The following SOAT2 variants were observed in gnomAD, a reference collection of about 807,000 sequenced individuals.
SOAT2 encodes the protein sterol O-acyltransferase 2.
SOAT2 carries 87 observed loss-of-function variants against 76.0 expected under a neutral mutation model. The ratio of observed to expected loss-of-function variants is 1.14; its 90% CI spans 0.96 to 1.37. The LOEUF is 1.37. Among genes scored for constraint, SOAT2 ranks in the 40% most tolerant of loss-of-function variants. The probability of loss-of-function intolerance (pLI) is 0.00; values close to 1 mark genes in which losing one functional copy is unlikely to be tolerated. For missense variants in SOAT2, 686 were observed against 682.1 expected, an observed-to-expected ratio of 1.01 and a Z score of -0.06; for synonymous variants, 285 against 275.4, an observed-to-expected ratio of 1.03 and a Z score of -0.34.
At position 53,124,269 on chromosome 12, in the gene SOAT2, G is replaced by A. The variant is rs1297327984; in HGVS notation, c.*146G>A. 9 of 751,500 alleles carry A rather than the reference G, an allele frequency of 1.2e-5. No homozygotes were observed. Among genetic ancestry groups the A allele is most frequent in the Non-Finnish European group, 2.1e-5 (9 of 435,708 alleles). The allele number at this position is 751,500 out of a possible 1,614,324, so 46.6% of individuals were successfully genotyped here. ...AAGACCCCACCAAGGAATGTGCAAG[G>A]ACTGAGATCTGCAGACTTGTGGGTA... is the stretch of plus-strand genomic sequence containing the variant. On this transcript the variant is annotated 3_prime_UTR_variant, in exon 15 of 15. Transcript: ENST00000301466.
intron 5 of SOAT2, among the ~76,000 whole-genome samples, chr12:53,106,912 A>G (rs1937944349): frequency 6.6e-6 from 1 of 152,176 alleles, no homozygotes; most frequent in African/African-American, 2.4e-5. Context: ...ATCTCCTGCT[A>G]AATAACGGAG....
chr12:53,105,290 T>C (rs768952035), intron 3 of SOAT2, 47 bp downstream of exon 3: 2 of 1,576,718 alleles, frequency 1.3e-6, no homozygotes, highest in African/African-American at 2.7e-5. Flanking sequence ...GCAAGGATCA[T>C]GAGCTAGAAA....
chr12:53,109,431 T>C (rs1937981397), intron 5 of SOAT2, among the ~76,000 whole-genome samples: 1 of 152,156 alleles, frequency 6.6e-6, no homozygotes, highest in African/African-American at 2.4e-5. Context: ...TAAGCCAAAT[T>C]TCACCTTTAT....
At position 53,123,644 on chromosome 12, in the gene SOAT2, C is replaced by G. The variant is rs1246620795; in HGVS notation, c.1373-84C>G. The G allele has an allele frequency of 2.6e-6, 4 of 1,537,974 alleles. No homozygotes were observed. In the African/African-American group the frequency reaches 4.1e-5, roughly 16 times the overall value. The stretch of plus-strand genomic sequence containing the variant: ...CCAATGGGGCCTTCTTGTTCCATCT[C>G]TTCCCAATACCCTGGAATGGGAGGG... On this transcript the variant is annotated intron_variant, in intron 13 of 14. Coordinates refer to ENST00000301466, the MANE Select transcript of SOAT2 (RefSeq NM_003578.4).
chr12:53,114,394 C>T (rs1417410628), intron 5 of SOAT2, among the ~76,000 whole-genome samples: 4 of 152,092 alleles, frequency 2.6e-5, no homozygotes, highest in African/African-American at 7.2e-5. Flanking sequence ...TCTTGACCGC[C>T]TCCTTCAATC....
At position 53,118,318 on chromosome 12, in the gene SOAT2, C is replaced by A. The variant is rs1246562581; in HGVS notation, c.779-32C>A. On this transcript the variant is annotated intron_variant, in intron 7 of 14. Coordinates refer to ENST00000301466, the MANE Select transcript of SOAT2 (RefSeq NM_003578.4). ...CTCACCTCTGCCCTCTGCCCTTGCCCTTACTAATCCACCCCTCTCATTCCT... is the reference window on the plus strand; with the variant it reads ...CTCACCTCTGCCCTCTGCCCTTGCCATTACTAATCCACCCCTCTCATTCCT... 3 of 1,505,890 alleles carry A rather than the reference C, an allele frequency of 2.0e-6. No homozygotes were observed. In the East Asian group the frequency reaches 6.8e-5, roughly 34 times the overall value. 93.3% of individuals were successfully genotyped at this position (1,505,890 alleles called of 1,614,324 possible).
At chr12:53,113,388 G>A (rs377605219) in intron 5 of SOAT2, among the ~76,000 whole-genome samples, 33 of 152,222 alleles carry the variant, frequency 2.2e-4, no homozygotes, top group African/African-American at 8.0e-4. Context: ...TGAAAGGGAC[G>A]TGCAGTTTTG....
In SOAT2 at chr12:53,123,170, G is replaced by A. The variant is rs2121308698; in HGVS notation, c.1326G>A (p.Leu442=). Residue 442 remains leucine (L), a synonymous_variant, in exon 13 of 15, where the codon CTG becomes CTA. Transcript: ENST00000301466. ...ATGAGTATATCTTCTGCTTCGTCCT[G>A]GGGTTCTTCTATCCCGTCATGCTGA... ...VAHEYIFCFV[L]GFFYPVMLIL... is the part of the protein sequence containing the mutation. 1.9e-6 allele frequency: 3 copies of A among 1,614,102 alleles called. No individual in the cohort carries two copies. The highest frequency in any genetic ancestry group is 4.5e-5 in the East Asian group (2 of 44,880).
chr12:53,118,493 C>A, intron 8 of SOAT2, 59 bp downstream of exon 8: 1 of 1,267,202 alleles, frequency 7.9e-7, no homozygotes, highest in Non-Finnish European at 1.2e-6. Context: ...TACCCTTCTA[C>A]TCTCCCCTCC....
At chr12:53,120,958 C>T in intron 11 of SOAT2, 75 bp downstream of exon 11, 1 of 1,124,398 alleles carries the variant, frequency 8.9e-7, no homozygotes, top group Admixed American at 1.7e-5. Context: ...AGATGGTAGC[C>T]AGGTTGGGTG....
intron 5 of SOAT2, among the ~76,000 whole-genome samples, chr12:53,107,402 A>G (rs1937952318): frequency 6.6e-6 from 1 of 152,142 alleles, no homozygotes. Flanking sequence ...CTGAAGTTTA[A>G]GTTGTCTAGT....
In SOAT2 at chr12:53,124,175, G is replaced by C. The variant is rs746883414; in HGVS notation, c.*52G>C. 65 of 1,601,852 alleles carry C rather than the reference G, an allele frequency of 4.1e-5. No homozygotes were observed. The highest frequency in any genetic ancestry group is 5.3e-5 in the Non-Finnish European group (62 of 1,169,022). ...CCAGACACCACCAAGTTCTCTGCCT[G>C]CAAAACCTGGGACCAGGACTCCTGT... is the stretch of plus-strand genomic sequence containing the variant. On this transcript the variant is annotated 3_prime_UTR_variant, in exon 15 of 15. Transcript: ENST00000301466.
At chr12:53,106,368 C>A (rs1285029797) in intron 5 of SOAT2, among the ~76,000 whole-genome samples, 1 of 152,264 alleles carries the variant, frequency 6.6e-6, no homozygotes, top group African/African-American at 2.4e-5. Flanking sequence ...TCCCGAGTAC[C>A]AGTCCTAGTG....
intron 9 of SOAT2, 76 bp from the exon 10 acceptor site, chr12:53,119,048 G>A: frequency 6.2e-7 from 1 of 1,610,882 alleles, no homozygotes; most frequent in Non-Finnish European, 8.5e-7. Context: ...GAGAAGGCCA[G>A]TGCTGGGCCA....
chr12:53,110,062 C>T (rs1463899011), intron 5 of SOAT2, among the ~76,000 whole-genome samples: 1 of 152,206 alleles, frequency 6.6e-6, no homozygotes, highest in Non-Finnish European at 1.5e-5. Flanking sequence ...CCATCTTTAT[C>T]TTACCCAACT....
At chr12:53,111,191 C>T (rs1039224791) in intron 5 of SOAT2, among the ~76,000 whole-genome samples, 5 of 151,524 alleles carry the variant, frequency 3.3e-5, no homozygotes, top group Admixed American at 1.3e-4. Flanking sequence ...CTGCAAGCTC[C>T]GCCTCCCAGG....
rs1937922505 is a variant in SOAT2 at position 53,105,597 on chromosome 12, C to A, written c.312C>A (p.Phe104Leu). Residue 104 changes from phenylalanine to leucine, a missense_variant, in exon 4 of 15, where the codon TTC (phenylalanine) becomes TTA (leucine). By Grantham distance (22) the Phe-to-Leu change is conservative. Coordinates refer to ENST00000301466, the MANE Select transcript of SOAT2 (RefSeq NM_003578.4). ...QEPSLGKQKVFIIRKSLLDEL... is the reference protein window; with the variant it reads ...QEPSLGKQKVLIIRKSLLDEL... ...CATCCCTGGGGAAACAGAAAGTTTT[C>A]ATCATCCGCAAGTCCCTGCTTGAGT... The A allele has an allele frequency of 6.2e-7, 1 of 1,611,212 alleles. No individual in the cohort carries two copies. Among genetic ancestry groups the A allele is most frequent in the Admixed American group, 1.7e-5 (1 of 59,836 alleles).
In SOAT2 at chr12:53,105,611, C is replaced by A; in HGVS notation, c.326C>A (p.Ser109Tyr). 1 of 1,610,358 alleles carries A rather than the reference C, an allele frequency of 6.2e-7. No homozygotes were observed. The highest frequency in any genetic ancestry group is 1.1e-5 in the South Asian group (1 of 90,252). Residue 109 changes from serine (S) to tyrosine (Y), a missense_variant, in exon 4 of 15, where the codon TCC (serine) becomes TAC (tyrosine). Coordinates refer to ENST00000301466, the MANE Select transcript of SOAT2 (RefSeq NM_003578.4). Reference protein sequence around the residue: ...GKQKVFIIRKSLLDELMEVQH... With the variant: ...GKQKVFIIRKYLLDELMEVQH... ...CAGAAAGTTTTCATCATCCGCAAGTCCCTGCTTGAGTAAGTCGGGGTGATG... is the reference window on the plus strand; with the variant it reads ...CAGAAAGTTTTCATCATCCGCAAGTACCTGCTTGAGTAAGTCGGGGTGATG...
Position 53,124,074 on chromosome 12 carries a change from C to A in SOAT2, c.1520C>A (p.Ala507Glu). The change falls in exon 15 of 15, where the codon GCA (alanine) becomes GAA (glutamate). Residue 507 changes from alanine to glutamate, a missense_variant and splice_region_variant. Transcript: ENST00000301466. ...ACGACTTATTCTTCTCTGGCTCAGG[C>A]AACTTTCTGGGGGCTGGTGACACCT... ...YARRHCPLPQ[A>E]TFWGLVTPRS... 6.2e-7 allele frequency: 1 copy of A among 1,614,180 alleles called. No homozygotes were observed.
Sources: gnomAD v4.1 joint callset for allele counts (sites outside exome capture counted in the v4.1 genomes callset) on GRCh38, gnomAD v4.1.1 for gene constraint, MANE v1.5 for transcripts, NCBI Gene and HGNC (gene_info 2026-07-23, HGNC 2026-07-21) for gene names.